KIF5C: variants seen among roughly 807,000 people sequenced by gnomAD.
The protein encoded by KIF5C is kinesin family member 5C.
A neutral mutation model predicts 125.2 loss-of-function variants in KIF5C; 18 were observed. That is an observed-to-expected ratio of 0.14 (90% CI 0.10 to 0.21). The LOEUF is 0.21. Among genes scored for constraint, KIF5C ranks in the 10% least tolerant of loss-of-function variants. The probability of loss-of-function intolerance (pLI) is 1.00; values close to 1 mark genes in which losing one functional copy is unlikely to be tolerated. For missense variants in KIF5C, 780 were observed against 1,183.8 expected, an observed-to-expected ratio of 0.66 and a Z score of 5.01; for synonymous variants, 405 against 434.0, an observed-to-expected ratio of 0.93 and a Z score of 0.83.
rs1681161673 is a variant in KIF5C at position 148,875,688 on chromosome 2, T to G, written c.71T>G (p.Leu24Arg). The change falls in exon 1 of 26, where the codon CTC becomes CGC. Residue 24 changes from leucine (L) to arginine (R), a missense_variant. By Grantham distance (102) the Leu-to-Arg change is moderately radical. Transcript: ENST00000435030. ...CGGCCCCTCAACGAAGCGGAGATCCTCCGCGGGGACAAATTCATCCCCAAA... is the reference window on the plus strand; with the variant it reads ...CGGCCCCTCAACGAAGCGGAGATCCGCCGCGGGGACAAATTCATCCCCAAA... ...RFRPLNEAEI[L>R]RGDKFIPKFK... 2.5e-6 allele frequency: 4 copies of G among 1,590,970 alleles called. No individual in the cohort carries two copies. The highest frequency in any genetic ancestry group is 3.4e-6 in the Non-Finnish European group (4 of 1,169,314).
intron 1 of KIF5C, among the ~76,000 whole-genome samples, chr2:148,881,714 T>TCCCTCAGGTTTCCC: frequency 6.6e-6 from 1 of 151,540 alleles, no homozygotes; most frequent in Admixed American, 6.6e-5. Flanking sequence ...CTTTAGTCCT[T>TCCCTCAGGTTTCCC]ACCTCTAAAT....
At chr2:148,942,555 T>G (rs927906959) in intron 6 of KIF5C, 118 bp from the exon 7 acceptor site, 2 of 1,489,466 alleles carry the variant, frequency 1.3e-6, no homozygotes, top group Admixed American at 2.0e-5. Context: ...TGGATCGATA[T>G]TTCAGCCTTT....
At chr2:148,887,991 G>A (rs935428934) in intron 1 of KIF5C, among the ~76,000 whole-genome samples, 7 of 152,180 alleles carry the variant, frequency 4.6e-5, no homozygotes, top group African/African-American at 1.4e-4. Context: ...GCGACCCCGC[G>A]GGTCCCCGCT....
chr2:148,979,062 GAATTT>G lies in KIF5C; in HGVS notation c.1362+77_1362+81del, dbSNP rs1419949941. 6 of 1,411,754 alleles carry G rather than the reference GAATTT, an allele frequency of 4.3e-6. No homozygotes were observed. The African/African-American group carries it at 8.8e-5, about 21-fold the overall frequency. 87.5% of individuals were successfully genotyped at this position (1,411,754 alleles called of 1,614,324 possible). A position where few individuals can be genotyped will look rare whatever the true frequency, so the allele number is the denominator to read the frequency against. On this transcript the variant is annotated intron_variant, in intron 13 of 25. Transcript: ENST00000435030. The stretch of plus-strand genomic sequence containing the variant: ...TCTTTGTTGTTGATGTTTGTTCCAG[GAATTT>G]AATTGGCATAGAAGCTTTTCATAAT...
chr2:148,989,159 C>T (rs111739761), intron 15 of KIF5C, among the ~76,000 whole-genome samples: 1,819 of 152,208 alleles, frequency 0.012, 35 homozygotes, highest in African/African-American at 0.041. Flanking sequence ...TTGTATCATT[C>T]GTATGCCTTT....
intron 1 of KIF5C, chr2:148,883,408 G>A (rs1256775625): frequency 3.3e-5 from 5 of 152,122 alleles, no homozygotes; most frequent in Non-Finnish European, 5.9e-5. Context: ...GGCTGAGGCA[G>A]GAGAATGGTG....
intron 1 of KIF5C, among the ~76,000 whole-genome samples, chr2:148,905,507 T>C (rs1681070037): frequency 6.6e-6 from 1 of 152,154 alleles, no homozygotes. Flanking sequence ...GCAAAAAGAC[T>C]GGCATAATGA....
At chr2:149,015,860 C>G (rs1175317895) in intron 25 of KIF5C, among the ~76,000 whole-genome samples, 1 of 152,188 alleles carries the variant, frequency 6.6e-6, no homozygotes, top group Non-Finnish European at 1.5e-5. Flanking sequence ...GTGAATCAGA[C>G]AAGAAGGCTG....
chr2:148,956,467 A>G (rs1682794949), intron 10 of KIF5C, among the ~76,000 whole-genome samples: 1 of 152,148 alleles, frequency 6.6e-6, no homozygotes, highest in East Asian at 1.9e-4. Context: ...GCCTTTCCTA[A>G]GGGTGGTTAA....
At chr2:149,014,490 T>G (rs1271350056) in intron 25 of KIF5C, among the ~76,000 whole-genome samples, 2 of 152,204 alleles carry the variant, frequency 1.3e-5, no homozygotes, top group Non-Finnish European at 2.9e-5. Flanking sequence ...CTTACAGCTC[T>G]CAGGATGGCA....
Position 148,981,498 on chromosome 2 carries a change from A to G in KIF5C, c.1506A>G (p.Ser502=), listed in dbSNP as rs748287692. 1.9e-5 allele frequency: 30 copies of G among 1,607,456 alleles called. No homozygotes were observed. The South Asian group carries it at 3.4e-4, about 18-fold the overall frequency. The change falls in exon 14 of 26, where the codon TCA becomes TCG. Residue 502 remains serine (S), a synonymous_variant. Coordinates refer to ENST00000435030, the MANE Select transcript of KIF5C (RefSeq NM_004522.3). Reference sequence around the variant, plus strand: ...TGGCTGTCAATTATGACCAGAAATCACAGGAAGTGGAGGATAAGACCCGGG... The same window carrying G: ...TGGCTGTCAATTATGACCAGAAATCGCAGGAAGTGGAGGATAAGACCCGGG... ...EELAVNYDQK[S]QEVEDKTRAN...
chr2:148,949,405 G>A (rs999308395), intron 8 of KIF5C, among the ~76,000 whole-genome samples: 4 of 152,076 alleles, frequency 2.6e-5, no homozygotes, highest in African/African-American at 9.7e-5. Context: ...CTTGGAGCCC[G>A]TAACTTACAT....
chr2:148,910,222 A>G (rs1480451570), intron 1 of KIF5C, among the ~76,000 whole-genome samples: 1 of 152,258 alleles, frequency 6.6e-6, no homozygotes, highest in Non-Finnish European at 1.5e-5. Context: ...TTATAATGTT[A>G]ATAACATATG....
intron 12 of KIF5C, among the ~76,000 whole-genome samples, chr2:148,978,004 T>C (rs892457773): frequency 6.6e-6 from 1 of 152,236 alleles, no homozygotes; most frequent in Admixed American, 6.5e-5. Flanking sequence ...GGATGCTCAA[T>C]TGAATCTGAC....
At chr2:148,961,832 G>A in intron 10 of KIF5C, 139 bp from the exon 11 acceptor site, 1 of 1,221,614 alleles carries the variant, frequency 8.2e-7, no homozygotes, top group East Asian at 2.4e-5. Flanking sequence ...CCAATTAGGA[G>A]GATGGTTGGT....
At position 148,875,674 on chromosome 2, in the gene KIF5C, C is replaced by CG; in HGVS notation, c.58dup (p.Glu20GlyfsTer15). ...TGATGTGCCGGTTCCGGCCCCTCAA[C>CG]GAAGCGGAGATCCTCCGCGGGGACA... On this transcript the variant is annotated frameshift_variant, in exon 1 of 26. Transcript: ENST00000435030. LOFTEE classifies it high-confidence loss of function. 1 of 1,582,766 alleles carries CG rather than the reference C, an allele frequency of 6.3e-7. No homozygotes were observed. Among genetic ancestry groups the CG allele is most frequent in the Non-Finnish European group, 8.6e-7 (1 of 1,164,652 alleles).
In KIF5C at chr2:149,024,975, T is replaced by C. The variant is rs1444914566; in HGVS notation, c.*1905T>C. 1 of 152,220 alleles carries C rather than the reference T, an allele frequency of 6.6e-6. No homozygotes were observed. Among genetic ancestry groups the C allele is most frequent in the African/African-American group, 2.4e-5 (1 of 41,448 alleles). The allele number at this position is 152,220 out of a possible 1,614,324, so 9.4% of individuals were successfully genotyped here. On this transcript the variant is annotated 3_prime_UTR_variant, in exon 26 of 26. Coordinates refer to ENST00000435030, the MANE Select transcript of KIF5C (RefSeq NM_004522.3). ...ATTGGTGTTTGAGAGGATTGCCAAT[T>C]ATTAATTGTCATTACCACTACTCTC...
At chr2:149,007,870 G>T (rs923813889) in intron 22 of KIF5C, 93 bp from the exon 23 acceptor site, 1 of 1,311,780 alleles carries the variant, frequency 7.6e-7, no homozygotes, top group African/African-American at 1.4e-5. Flanking sequence ...CCCTTTGGTG[G>T]GAATGGGGAT....
intron 23 of KIF5C, 147 bp downstream of exon 23, chr2:149,008,214 T>C (rs556238855): frequency 2.5e-5 from 27 of 1,090,614 alleles, no homozygotes; most frequent in African/African-American, 3.1e-5. Context: ...GCTGGAAAGG[T>C]CCTTACAAAT....
Sources: allele counts gnomAD v4.1 joint callset (sites outside exome capture counted in the v4.1 genomes callset), GRCh38; gene constraint gnomAD v4.1.1; transcripts MANE v1.5; gene names NCBI Gene and HGNC (gene_info 2026-07-23, HGNC 2026-07-21).